Variants in P2RY6 observed in about 807,000 individuals in gnomAD.
P2RY6 encodes the protein P2Y purinoceptor 6.
P2RY6 carries 19 observed loss-of-function variants against 16.3 expected under a neutral mutation model. That is an observed-to-expected ratio of 1.16 (90% CI 0.81 to 1.71). P2RY6 has a LOEUF of 1.71. Among genes scored for constraint, P2RY6 ranks in the 40% most tolerant of loss-of-function variants. The probability of loss-of-function intolerance (pLI) is 0.00; values close to 1 mark genes in which losing one functional copy is unlikely to be tolerated. For missense variants in P2RY6, 389 were observed against 455.5 expected, an observed-to-expected ratio of 0.85 and a Z score of 1.33; for synonymous variants, 184 against 201.5, an observed-to-expected ratio of 0.91 and a Z score of 0.74.
Position 73,290,327 on chromosome 11 carries a change from G to GAA in P2RY6, c.-120-5401_-120-5400dup, listed in dbSNP as rs1229582976. Among the ~76,000 whole-genome samples, 56 of 142,650 alleles carry GAA rather than the reference G, an allele frequency of 3.9e-4. No individual in the cohort carries two copies. In the East Asian group the frequency reaches 6.7e-3, roughly 17 times the overall value. The allele number at this position is 142,650 out of a possible 152,430, so 93.6% of individuals were successfully genotyped here. A position where few individuals can be genotyped will look rare whatever the true frequency, so the allele number is the denominator to read the frequency against. On this transcript the variant is annotated intron_variant, in intron 1 of 2. Coordinates refer to ENST00000540124, the MANE Select transcript of P2RY6 (RefSeq NM_001277204.2). Reference sequence around the variant, plus strand: ...GAAAAGAAAGAAAGAAAGAAAGAAAGAAAGAAAGAAAGAAAGAAAGAAAGA... The same window carrying GAA: ...GAAAAGAAAGAAAGAAAGAAAGAAAGAAAAAGAAAGAAAGAAAGAAAGAAAGA...
chr11:73,273,506 A>G (rs934416265), intron 1 of P2RY6, among the ~76,000 whole-genome samples: 11 of 151,410 alleles, frequency 7.3e-5, no homozygotes, highest in African/African-American at 2.7e-4. Context: ...GGAACTCTAC[A>G]CTCCCCTCGA....
chr11:73,274,342 A>G (rs1190603371), intron 1 of P2RY6, among the ~76,000 whole-genome samples: 1 of 152,184 alleles, frequency 6.6e-6, no homozygotes, highest in Non-Finnish European at 1.5e-5. Context: ...GTCAAAATTG[A>G]GCTGAAAGAG....
At chr11:73,272,670 G>A (rs939252307) in intron 1 of P2RY6, among the ~76,000 whole-genome samples, 1 of 152,228 alleles carries the variant, frequency 6.6e-6, no homozygotes, top group Non-Finnish European at 1.5e-5. Context: ...ACGAGGCACC[G>A]CAGGACGGGG....
At chr11:73,268,469 A>G (rs983982662), upstream of P2RY6, among the ~76,000 whole-genome samples, 1 of 152,194 alleles carries the variant, frequency 6.6e-6, no homozygotes, top group African/African-American at 2.4e-5. Context: ...ACAAAAAAAA[A>G]TACAAATTTA....
intron 1 of P2RY6, among the ~76,000 whole-genome samples, chr11:73,294,131 G>T (rs563742117): frequency 6.6e-6 from 1 of 152,088 alleles, no homozygotes; most frequent in Non-Finnish European, 1.5e-5. Context: ...ATGATAGAGG[G>T]GTGCTATGTT....
At chr11:73,280,299 TC>T (rs1863706320) in intron 1 of P2RY6, among the ~76,000 whole-genome samples, 1 of 152,106 alleles carries the variant, frequency 6.6e-6, no homozygotes, top group Non-Finnish European at 1.5e-5. Context: ...TAATAACCAG[TC>T]CCACCTTGCG....
chr11:73,297,331 C>T lies in P2RY6; in HGVS notation c.813C>T (p.Val271=), dbSNP rs1339365798. The T allele has an allele frequency of 6.2e-7, 1 of 1,612,104 alleles. No homozygotes were observed. The highest frequency in any genetic ancestry group is 8.5e-7 in the Non-Finnish European group (1 of 1,179,850). ...TGGCAGTGCGCTCGACGCCGGGCGT[C>T]CCCTGCACTGTATTGGAGGCCTTTG... The part of the protein sequence containing the change: ...AYLAVRSTPG[V]PCTVLEAFAA... The change falls in exon 3 of 3, where the codon GTC becomes GTT. Residue 271 remains valine, a synonymous_variant. Transcript: ENST00000540124.
chr11:73,277,025 A>G (rs1156914104), intron 1 of P2RY6, among the ~76,000 whole-genome samples: 1 of 152,196 alleles, frequency 6.6e-6, no homozygotes, highest in Admixed American at 6.5e-5. Context: ...AAATGAGGAA[A>G]CCAACTCTTC....
chr11:73,276,226 G>C (rs191004668), intron 1 of P2RY6, among the ~76,000 whole-genome samples: 2 of 152,312 alleles, frequency 1.3e-5, no homozygotes, highest in Admixed American at 1.3e-4. Context: ...ACAATAACAA[G>C]TGTTGCCGAG....
intron 1 of P2RY6, among the ~76,000 whole-genome samples, chr11:73,275,384 T>C (rs1228856522): frequency 6.6e-6 from 1 of 152,140 alleles, no homozygotes; most frequent in Non-Finnish European, 1.5e-5. Flanking sequence ...GCCTTTCAAA[T>C]CAGCCCACAG....
chr11:73,288,571 C>G (rs1482416349), intron 1 of P2RY6, among the ~76,000 whole-genome samples: 1 of 152,228 alleles, frequency 6.6e-6, no homozygotes, highest in Non-Finnish European at 1.5e-5. Context: ...GCTTCCGGCC[C>G]TCTGTCTTCT....
intron 1 of P2RY6, among the ~76,000 whole-genome samples, chr11:73,278,602 A>G (rs1216879107): frequency 7.9e-5 from 12 of 152,176 alleles, no homozygotes; most frequent in Non-Finnish European, 1.0e-4. Flanking sequence ...GGTACCTTAT[A>G]TAAGTGGAAT....
In P2RY6 at chr11:73,272,435, G is replaced by A. The variant is rs564100591; in HGVS notation, c.-152G>A. On this transcript the variant is annotated 5_prime_UTR_variant, in exon 1 of 3. Coordinates refer to ENST00000540124, the MANE Select transcript of P2RY6 (RefSeq NM_001277204.2). ...GTGGGAATTTGCTCCAGCACTTCAC[G>A]GACTGCAAGCGAGGCACTTGCTAAC... 2.7e-5 allele frequency: 27 copies of A among 985,534 alleles called. No homozygotes were observed. Among genetic ancestry groups the A allele is most frequent in the African/African-American group, 7.0e-5 (4 of 57,364 alleles). The allele number at this position is 985,534 out of a possible 1,614,324, so 61.0% of individuals were successfully genotyped here.
chr11:73,286,378 C>G lies in P2RY6; in HGVS notation c.-120-9352C>G, dbSNP rs1185691615. Among the ~76,000 whole-genome samples the G allele has an allele frequency of 3.3e-5, 5 of 152,234 alleles. No homozygotes were observed. In the East Asian group the frequency reaches 7.7e-4, roughly 24 times the overall value. On this transcript the variant is annotated intron_variant, in intron 1 of 2. Transcript: ENST00000540124. ...CCTGTACGAGTTGTGGACAAAACTG[C>G]CTACCTTCGGGCCTCAGGGTCTGCC...
At chr11:73,286,784 C>T (rs1174579221) in intron 1 of P2RY6, among the ~76,000 whole-genome samples, 2 of 152,122 alleles carry the variant, frequency 1.3e-5, no homozygotes, top group Admixed American at 1.3e-4. Context: ...ACCGCCCCTT[C>T]GACTGGTCTT....
intron 1 of P2RY6, among the ~76,000 whole-genome samples, chr11:73,273,645 G>A (rs1863412339): frequency 6.6e-6 from 1 of 152,114 alleles, no homozygotes; most frequent in Non-Finnish European, 1.5e-5. Flanking sequence ...TGAGCCTGCC[G>A]ACTCTTCTCT....
chr11:73,283,938 G>A (rs1003696410), intron 1 of P2RY6, among the ~76,000 whole-genome samples: 4 of 152,204 alleles, frequency 2.6e-5, no homozygotes, highest in Non-Finnish European at 5.9e-5. Flanking sequence ...GAGAGGGCAG[G>A]AGGTGGTACC....
At chr11:73,283,748 A>G (rs909863001) in intron 1 of P2RY6, among the ~76,000 whole-genome samples, 1 of 152,106 alleles carries the variant, frequency 6.6e-6, no homozygotes, top group Non-Finnish European at 1.5e-5. Flanking sequence ...GGGTGCAGGG[A>G]GGCAGGGCTT....
intron 1 of P2RY6, among the ~76,000 whole-genome samples, chr11:73,290,259 A>G (rs564896244): frequency 5.3e-4 from 74 of 139,310 alleles, no homozygotes; most frequent in African/African-American, 1.1e-3. Flanking sequence ...AGAGAGAGAG[A>G]GGGGGAAAGA....
Sources: gnomAD v4.1 joint callset for allele counts (sites outside exome capture counted in the v4.1 genomes callset) on GRCh38, gnomAD v4.1.1 for gene constraint, MANE v1.5 for transcripts, NCBI Gene and HGNC (gene_info 2026-07-23, HGNC 2026-07-21) for gene names.